The following MACROD2 variants were observed in gnomAD, a reference collection of about 807,000 sequenced individuals.
MACROD2 encodes the protein ADP-ribose glycohydrolase MACROD2.
MACROD2 carries 36 observed loss-of-function variants against 70.4 expected under a neutral mutation model. The observed-to-expected ratio is 0.51, with a 90% CI of 0.39 to 0.68. The LOEUF is 0.68. Among genes scored for constraint, MACROD2 ranks in the 30% least tolerant of loss-of-function variants. MACROD2 has a pLI of 0.00. For missense variants in MACROD2, 496 were observed against 538.4 expected (o/e 0.92, Z 0.78); for synonymous variants, 172 against 178.8 (o/e 0.96, Z 0.30).
intron 8 of MACROD2, among the ~76,000 whole-genome samples, chr20:15,541,981 T>C (rs569438602): frequency 6.6e-6 from 1 of 152,322 alleles, no homozygotes; most frequent in South Asian, 2.1e-4. Context: ...TCCAGTGGTA[T>C]GGGCACTATC....
intron 6 of MACROD2, among the ~76,000 whole-genome samples, chr20:15,282,243 C>T (rs1310955535): frequency 6.6e-6 from 1 of 152,216 alleles, no homozygotes; most frequent in Non-Finnish European, 1.5e-5. Flanking sequence ...ACGTTTTCCC[C>T]ATTGTCTTGG....
At chr20:15,094,840 G>A (rs1351908823) in intron 5 of MACROD2, among the ~76,000 whole-genome samples, 2 of 152,040 alleles carry the variant, frequency 1.3e-5, no homozygotes, top group African/African-American at 2.4e-5. Context: ...TATTGATACT[G>A]GCATTTGTGA....
intron 5 of MACROD2, chr20:14,892,775 C>G (rs893570422): frequency 6.6e-6 from 1 of 152,064 alleles, no homozygotes; most frequent in Non-Finnish European, 1.5e-5. Flanking sequence ...GCCTCCTGGG[C>G]TCAAGTAATT....
intron 6 of MACROD2, among the ~76,000 whole-genome samples, chr20:15,309,492 T>G (rs984304372): frequency 2.0e-5 from 3 of 152,254 alleles, no homozygotes; most frequent in Admixed American, 6.5e-5. Flanking sequence ...AATTTGTGCT[T>G]CTGAAGCATC....
chr20:14,844,296 T>A (rs1238022268), intron 5 of MACROD2, among the ~76,000 whole-genome samples: 1 of 151,962 alleles, frequency 6.6e-6, no homozygotes, highest in Non-Finnish European at 1.5e-5. Context: ...GGTGGATCAC[T>A]TGAGGTTAGG....
At chr20:14,645,051 A>G (rs1286753160) in intron 4 of MACROD2, among the ~76,000 whole-genome samples, 1 of 152,160 alleles carries the variant, frequency 6.6e-6, no homozygotes, top group Non-Finnish European at 1.5e-5. Context: ...TTTTAGAATT[A>G]CTTCCTGTCA....
At chr20:14,151,475 A>T in intron 3 of MACROD2, among the ~76,000 whole-genome samples, 1 of 152,200 alleles carries the variant, frequency 6.6e-6, no homozygotes, top group East Asian at 1.9e-4. Context: ...TGGCATGGAA[A>T]TGTTAGCCAG....
At chr20:15,619,568 TC>T in intron 8 of MACROD2, 1 of 436,632 alleles carries the variant, frequency 2.3e-6, no homozygotes, top group South Asian at 2.5e-5. Flanking sequence ...TCACCAGTCA[TC>T]AGGTTCTTGT....
At chr20:15,384,285 TCTCA>T (rs150348782) in intron 6 of MACROD2, among the ~76,000 whole-genome samples, 1,755 of 152,038 alleles carry the variant, frequency 0.012, 34 homozygotes, top group African/African-American at 0.04. Context: ...TGAGACAGAG[TCTCA>T]CTCTGTCACC....
chr20:14,184,541 A>G (rs1291740455), intron 3 of MACROD2, among the ~76,000 whole-genome samples: 1 of 151,860 alleles, frequency 6.6e-6, no homozygotes, highest in Non-Finnish European at 1.5e-5. Context: ...GAATTTTAAA[A>G]TAGTTTTTTT....
rs559317384 is a variant in MACROD2, at chr20:14,833,830, T to C, written c.418+148871T>C. Among the ~76,000 whole-genome samples the C allele has an allele frequency of 1.4e-4, 21 of 152,226 alleles. 1 individual carries two copies. The highest frequency in any genetic ancestry group is 4.6e-4 in the Admixed American group (7 of 15,280). Reference sequence around the variant, plus strand: ...CCACCATAAAGACTATTTCAACTTATTTGTTACTAATGATGCCATAGCTTA... The same window carrying C: ...CCACCATAAAGACTATTTCAACTTACTTGTTACTAATGATGCCATAGCTTA... On this transcript the variant is annotated intron_variant, in intron 5 of 17. Transcript: ENST00000684519.
chr20:15,342,362 ACTC>A (rs1350791191), intron 6 of MACROD2, among the ~76,000 whole-genome samples: 5 of 151,890 alleles, frequency 3.3e-5, no homozygotes, highest in Non-Finnish European at 7.4e-5. Context: ...GGATCGGTCA[ACTC>A]CTGGAGTTAC....
chr20:15,768,615 A>T (rs769322288), intron 8 of MACROD2, among the ~76,000 whole-genome samples: 2 of 152,016 alleles, frequency 1.3e-5, no homozygotes, highest in Non-Finnish European at 2.9e-5. Flanking sequence ...TACAAAAAAT[A>T]TTTTTCTTTC....
intron 10 of MACROD2, among the ~76,000 whole-genome samples, chr20:15,888,168 A>G (rs2064845463): frequency 6.6e-6 from 1 of 152,196 alleles, no homozygotes; most frequent in African/African-American, 2.4e-5. Flanking sequence ...AGAGAATAAG[A>G]CCTAAGACAA....
chr20:14,250,449 C>A (rs1310004983), intron 3 of MACROD2, among the ~76,000 whole-genome samples: 1 of 151,976 alleles, frequency 6.6e-6, no homozygotes, highest in African/African-American at 2.4e-5. Flanking sequence ...GAATACTTAC[C>A]TACTACCCTC....
At chr20:14,093,661 C>T (rs2054182923) in intron 3 of MACROD2, among the ~76,000 whole-genome samples, 1 of 80,414 alleles carries the variant, frequency 1.2e-5, no homozygotes, top group African/African-American at 4.7e-5. Context: ...AAGAAACACT[C>T]ATTTGACAAA....
rs142315914 is a variant in MACROD2 at position 14,989,756 on chromosome 20, A to G, written c.419-240184A>G. On this transcript the variant is annotated intron_variant, in intron 5 of 17. Transcript: ENST00000684519. ...TGAAATCTAGGTCAAATCCAGTGCT[A>G]TGTTGGGTCCGGTCCGTTTTAGGTC... Among the ~76,000 whole-genome samples the G allele has an allele frequency of 5.9e-5, 9 of 152,242 alleles. No individual in the cohort carries two copies. The East Asian group carries it at 9.7e-4, about 16-fold the overall frequency.
chr20:15,467,685 G>T (rs1331677978), intron 7 of MACROD2, among the ~76,000 whole-genome samples: 1 of 151,856 alleles, frequency 6.6e-6, no homozygotes. Context: ...TGCAGCAGAA[G>T]AATAAATCAA....
At chr20:15,971,351 G>T (rs1039874611) in intron 13 of MACROD2, among the ~76,000 whole-genome samples, 1 of 152,062 alleles carries the variant, frequency 6.6e-6, no homozygotes, top group Admixed American at 6.6e-5. Context: ...ACAGGGGTGG[G>T]CGTTCCCATG....
Sources: allele counts gnomAD v4.1 joint callset (sites outside exome capture counted in the v4.1 genomes callset), GRCh38; gene constraint gnomAD v4.1.1; transcripts MANE v1.5; gene names NCBI Gene and HGNC (gene_info 2026-07-23, HGNC 2026-07-21).